DOCK8: variants seen among roughly 807,000 people sequenced by gnomAD.
DOCK8 encodes the protein dedicator of cytokinesis protein 8.
In DOCK8, 141 loss-of-function variants were observed where a neutral mutation model predicts 245.6. The observed-to-expected ratio is 0.57, with a 90% CI of 0.50 to 0.66. The LOEUF is 0.66. Among genes scored for constraint, DOCK8 ranks in the 30% least tolerant of loss-of-function variants. The pLI is 0.00. For missense variants in DOCK8, 2,965 were observed against 2,603.4 expected (o/e 1.14, Z -3.02); for synonymous variants, 1,168 against 970.2 (o/e 1.20, Z -3.79).
chr9:215,309 C>A, intron 1 of DOCK8: 2 of 1,605,784 alleles, frequency 1.2e-6, no homozygotes, highest in Non-Finnish European at 1.7e-6. Context: ...TCGCCCGCTC[C>A]GCCCTCCAGG....
intron 15 of DOCK8, chr9:369,502 A>G (rs2053183264): frequency 6.6e-6 from 1 of 152,410 alleles, no homozygotes; most frequent in Admixed American, 6.5e-5. Flanking sequence ...CCAAGGAGGT[A>G]TCTTTTTCTA....
chr9:372,956 G>A (rs973642072), intron 18 of DOCK8, among the ~76,000 whole-genome samples: 6 of 152,178 alleles, frequency 3.9e-5, no homozygotes, highest in Non-Finnish European at 7.3e-5. Context: ...CTTGAGGTGA[G>A]AAGTTCAAGA....
At chr9:403,432 G>C (rs2055206515) in intron 26 of DOCK8, among the ~76,000 whole-genome samples, 1 of 152,178 alleles carries the variant, frequency 6.6e-6, no homozygotes, top group Admixed American at 6.5e-5. Flanking sequence ...TCTGGTAACT[G>C]TGCTTACATA....
At chr9:461,557 G>C (rs1306790069) in intron 46 of DOCK8, among the ~76,000 whole-genome samples, 1 of 10,864 alleles carries the variant, frequency 9.2e-5, no homozygotes, top group Non-Finnish European at 2.1e-4. Context: ...TTTTTTTTTT[G>C]GTGAGACAAG....
chr9:441,183 T>C, intron 40 of DOCK8, 103 bp from the exon 41 acceptor site: 4 of 1,534,852 alleles, frequency 2.6e-6, no homozygotes. Context: ...GATACAACAA[T>C]AAATTCACTC....
chr9:372,719 A>C (rs527962622), intron 18 of DOCK8, among the ~76,000 whole-genome samples: 1 of 152,264 alleles, frequency 6.6e-6, no homozygotes, highest in South Asian at 2.1e-4. Context: ...TCCCAATGCC[A>C]ATAGCCTTTC....
intron 2 of DOCK8, among the ~76,000 whole-genome samples, chr9:275,238 T>C (rs549615990): frequency 1.9e-4 from 29 of 152,332 alleles, no homozygotes; most frequent in African/African-American, 6.3e-4. Flanking sequence ...ATGGAGACAC[T>C]GTGGGAGATT....
At chr9:359,396 C>T (rs938405602) in intron 14 of DOCK8, among the ~76,000 whole-genome samples, 1 of 152,120 alleles carries the variant, frequency 6.6e-6, no homozygotes, top group African/African-American at 2.4e-5. Flanking sequence ...CTGAATGAGG[C>T]TAATAGTAGT....
chr9:343,613 C>T (rs1310616305), intron 14 of DOCK8, among the ~76,000 whole-genome samples: 1 of 152,142 alleles, frequency 6.6e-6, no homozygotes, highest in South Asian at 2.1e-4. Context: ...TTAATCCTTC[C>T]TGGAGCAGCT....
rs569114435 is a variant in DOCK8, at chr9:393,470, A to T, written c.2970+2904A>T. 3.9e-5 allele frequency among the ~76,000 whole-genome samples: 6 copies of T among 152,334 alleles called. No individual in the cohort carries two copies. In the East Asian group the frequency reaches 7.7e-4, roughly 20 times the overall value. On this transcript the variant is annotated intron_variant, in intron 24 of 47. Transcript: ENST00000432829. ...TCTTGAGGCAGGAGGAACTTTTATT[A>T]TCCCAAATTTACAGATGGGGTTGGA...
At chr9:462,536 A>G (rs1487205810) in intron 46 of DOCK8, among the ~76,000 whole-genome samples, 1 of 152,220 alleles carries the variant, frequency 6.6e-6, no homozygotes, top group Non-Finnish European at 1.5e-5. Flanking sequence ...TGCCCTGGCC[A>G]AGGCCACATC....
intron 7 of DOCK8, among the ~76,000 whole-genome samples, chr9:322,823 T>A (rs1202633485): frequency 2.0e-5 from 3 of 152,178 alleles, no homozygotes; most frequent in African/African-American, 7.2e-5. Context: ...CCTGGTGCAG[T>A]GGCTCACACC....
At chr9:340,083 C>A in intron 13 of DOCK8, 76 bp from the exon 14 acceptor site, 2 of 1,518,058 alleles carry the variant, frequency 1.3e-6, no homozygotes, top group South Asian at 2.2e-5. Context: ...GAAAGAAACA[C>A]AGTGCAACAA....
intron 4 of DOCK8, among the ~76,000 whole-genome samples, chr9:295,263 C>A (rs1245409345): frequency 6.6e-6 from 1 of 151,986 alleles, no homozygotes; most frequent in East Asian, 1.9e-4. Context: ...AAAACAGGTC[C>A]ATGGTTCCCA....
intron 2 of DOCK8, among the ~76,000 whole-genome samples, chr9:282,164 G>C (rs1199404934): frequency 1.3e-5 from 2 of 152,146 alleles, no homozygotes; most frequent in Non-Finnish European, 2.9e-5. Context: ...CCACCTCATG[G>C]TTTATTAGAG....
chr9:441,257 C>A (rs781694773), intron 40 of DOCK8, 29 bp from the exon 41 acceptor site: 7 of 1,613,832 alleles, frequency 4.3e-6, no homozygotes, highest in Non-Finnish European at 5.9e-6. Context: ...GGATTAAATT[C>A]TCTCTGATGC....
intron 26 of DOCK8, among the ~76,000 whole-genome samples, chr9:402,888 A>T (rs908501521): frequency 6.6e-6 from 1 of 152,080 alleles, no homozygotes; most frequent in Non-Finnish European, 1.5e-5. Flanking sequence ...TGTTTTTGAA[A>T]TGTCTATTTT....
intron 10 of DOCK8, among the ~76,000 whole-genome samples, chr9:333,372 C>CCG (rs2051124396): frequency 6.6e-6 from 1 of 152,196 alleles, no homozygotes; most frequent in Non-Finnish European, 1.5e-5. Flanking sequence ...GAGGCCAAGG[C>CCG]GGGCAGATCA....
chr9:270,208 A>G (rs1441706057), intron 1 of DOCK8, among the ~76,000 whole-genome samples: 1 of 152,234 alleles, frequency 6.6e-6, no homozygotes, highest in Admixed American at 6.5e-5. Flanking sequence ...GTAGAAAATT[A>G]AGGAGCAAAA....
Sources: gnomAD v4.1 joint callset for allele counts (sites outside exome capture counted in the v4.1 genomes callset) on GRCh38, gnomAD v4.1.1 for gene constraint, MANE v1.5 for transcripts, NCBI Gene and HGNC (gene_info 2026-07-23, HGNC 2026-07-21) for gene names.